The following MAP6 variants were observed in gnomAD, a reference collection of about 807,000 sequenced individuals.
The protein encoded by MAP6 is microtubule associated protein 6.
A neutral mutation model predicts 42.4 loss-of-function variants in MAP6; 26 were observed. The observed-to-expected ratio is 0.61, with a 90% confidence interval of 0.45 to 0.85. The LOEUF is 0.85. Among genes scored for constraint, MAP6 ranks in the 40% least tolerant of loss-of-function variants. The pLI is 0.00. For missense variants in MAP6, 966 were observed against 1,099.0 expected (o/e 0.88, Z 1.71); for synonymous variants, 418 against 443.8 (o/e 0.94, Z 0.73).
Position 75,668,141 on chromosome 11 carries a change from C to A in MAP6, c.229G>T (p.Asp77Tyr). The A allele has an allele frequency of 1.6e-6, 2 of 1,219,886 alleles. No homozygotes were observed. The highest frequency in any genetic ancestry group is 2.0e-6 in the Non-Finnish European group (2 of 984,540). 75.6% of individuals were successfully genotyped at this position (1,219,886 alleles called of 1,614,324 possible). ...IETQPAQGEL[D>Y]AVARATGPAP... ...GGCCCCGTTGCCCGGGCAACTGCATCCAACTCGCCCTGGGCTGGCTGCGTC... is the reference window on the plus strand; with the variant it reads ...GGCCCCGTTGCCCGGGCAACTGCATACAACTCGCCCTGGGCTGGCTGCGTC... Residue 77 changes from aspartate (D) to tyrosine (Y), a missense_variant, in exon 1 of 4, where the codon GAT (aspartate) becomes TAT (tyrosine). This residue lies in a region of MAP6 where 943 missense variants were observed against 1,049.9 expected (regional missense o/e 0.90). Coordinates refer to ENST00000304771, the MANE Select transcript of MAP6 (RefSeq NM_033063.2).
chr11:75,663,269 G>A (rs960236310), intron 1 of MAP6, among the ~76,000 whole-genome samples: 5 of 152,228 alleles, frequency 3.3e-5, no homozygotes, highest in African/African-American at 4.8e-5. Context: ...GTGAGCCACC[G>A]CGCTTGACCA....
chr11:75,645,909 ATATT>A (rs1943546346), intron 1 of MAP6, among the ~76,000 whole-genome samples: 1 of 152,066 alleles, frequency 6.6e-6, no homozygotes, highest in Non-Finnish European at 1.5e-5. Context: ...CGAGGAGGAT[ATATT>A]GAGAAGAAAT....
At chr11:75,630,432 G>C (rs987757993) in intron 1 of MAP6, among the ~76,000 whole-genome samples, 1 of 152,088 alleles carries the variant, frequency 6.6e-6, no homozygotes, top group African/African-American at 2.4e-5. Context: ...ATTCATTAAA[G>C]GTTCTGCATT....
At chr11:75,591,975 G>A (rs1478379503) in intron 3 of MAP6, among the ~76,000 whole-genome samples, 1 of 152,250 alleles carries the variant, frequency 6.6e-6, no homozygotes, top group Non-Finnish European at 1.5e-5. Flanking sequence ...AACTGTGATA[G>A]CAGTTTACTA....
At chr11:75,637,618 G>A (rs991821382) in intron 1 of MAP6, among the ~76,000 whole-genome samples, 6 of 152,088 alleles carry the variant, frequency 3.9e-5, no homozygotes, top group Non-Finnish European at 8.8e-5. Context: ...GAACCCCACC[G>A]TGGATTTGCC....
chr11:75,656,864 C>T (rs1207243794), intron 1 of MAP6, among the ~76,000 whole-genome samples: 1 of 152,150 alleles, frequency 6.6e-6, no homozygotes, highest in Non-Finnish European at 1.5e-5. Context: ...TGTGTATAAA[C>T]CCATGTCACC....
intron 1 of MAP6, among the ~76,000 whole-genome samples, chr11:75,635,307 A>G (rs1943350538): frequency 6.6e-6 from 1 of 152,170 alleles, no homozygotes; most frequent in Admixed American, 6.5e-5. Context: ...ATTTTATTAA[A>G]GTGAAAAGGG....
chr11:75,613,296 G>A (rs560867236), intron 1 of MAP6, among the ~76,000 whole-genome samples: 27 of 151,898 alleles, frequency 1.8e-4, no homozygotes, highest in African/African-American at 6.3e-4. Context: ...GGTGGCATAG[G>A]AATGCCTGAC....
intron 1 of MAP6, among the ~76,000 whole-genome samples, chr11:75,641,225 A>G (rs1440798616): frequency 6.6e-6 from 1 of 151,388 alleles, no homozygotes; most frequent in Non-Finnish European, 1.5e-5. Context: ...TCAGCAAACT[A>G]TTGCAAAGAC....
intron 2 of MAP6, chr11:75,607,074 C>T (rs754611980): frequency 2.1e-4 from 51 of 243,698 alleles, no homozygotes; most frequent in Middle Eastern, 4.2e-3. Context: ...TGAGGTGCAG[C>T]GGCTTTCAGT....
At chr11:75,658,209 T>A (rs138805414) in intron 1 of MAP6, among the ~76,000 whole-genome samples, 1 of 152,224 alleles carries the variant, frequency 6.6e-6, no homozygotes, top group Non-Finnish European at 1.5e-5. Context: ...ATGGTAAATG[T>A]ATGTTTAGCT....
intron 1 of MAP6, among the ~76,000 whole-genome samples, chr11:75,609,247 A>C (rs1292282219): frequency 6.6e-6 from 1 of 152,176 alleles, no homozygotes; most frequent in Non-Finnish European, 1.5e-5. Flanking sequence ...ACGAGGGTCT[A>C]TTCTGTTTGT....
At chr11:75,643,917 T>C (rs1362625431) in intron 1 of MAP6, among the ~76,000 whole-genome samples, 1 of 152,214 alleles carries the variant, frequency 6.6e-6, no homozygotes, top group East Asian at 1.9e-4. Context: ...GATGAATAGA[T>C]GGATGATTTG....
At chr11:75,604,470 T>G (rs1942721332) in intron 3 of MAP6, 1 of 985,306 alleles carries the variant, frequency 1.0e-6, no homozygotes, top group South Asian at 4.7e-5. Flanking sequence ...CAGCCCAGTG[T>G]GTCAGAATGC....
intron 3 of MAP6, among the ~76,000 whole-genome samples, chr11:75,597,577 C>T (rs1001889052): frequency 2.0e-5 from 3 of 152,294 alleles, no homozygotes; most frequent in Middle Eastern, 3.4e-3. Context: ...ACTAAGGCAG[C>T]GCTCAATTCT....
At chr11:75,652,707 C>CA (rs1223184955) in intron 1 of MAP6, among the ~76,000 whole-genome samples, 2 of 151,840 alleles carry the variant, frequency 1.3e-5, no homozygotes, top group African/African-American at 4.8e-5. Context: ...GGCATGGTGG[C>CA]ACGTGCCTGT....
chr11:75,659,112 T>C (rs1238550726), intron 1 of MAP6, among the ~76,000 whole-genome samples: 3 of 152,184 alleles, frequency 2.0e-5, no homozygotes, highest in Non-Finnish European at 4.4e-5. Context: ...AGAAAGTACA[T>C]ATTAATATGA....
chr11:75,634,506 T>G (rs1478543285), intron 1 of MAP6, among the ~76,000 whole-genome samples: 1 of 152,160 alleles, frequency 6.6e-6, no homozygotes, highest in African/African-American at 2.4e-5. Context: ...TGACCTCAAG[T>G]GATCCACCCA....
At chr11:75,650,667 C>T (rs1472761355) in intron 1 of MAP6, among the ~76,000 whole-genome samples, 4 of 152,042 alleles carry the variant, frequency 2.6e-5, no homozygotes, top group African/African-American at 4.8e-5. Flanking sequence ...TACACATGTT[C>T]GTATCCTATA....
Sources: allele counts gnomAD v4.1 joint callset (sites outside exome capture counted in the v4.1 genomes callset), GRCh38; gene constraint gnomAD v4.1.1; regional missense constraint gnomAD v4.1.1; transcripts MANE v1.5; gene names NCBI Gene and HGNC (gene_info 2026-07-23, HGNC 2026-07-21).